The following LONRF1 variants were observed in gnomAD, a reference collection of about 807,000 sequenced individuals.
LONRF1 encodes the protein LON peptidase N-terminal domain and ring finger 1, also known as LON peptidase N-terminal domain and RING finger protein 1.
In LONRF1, 37 loss-of-function variants were observed where a neutral mutation model predicts 85.8. That is an observed-to-expected ratio of 0.43 (90% CI 0.33 to 0.57). The LOEUF is 0.57. LONRF1 is among the 20% of genes least tolerant of loss of function. The probability of loss-of-function intolerance (pLI) is 0.04; values close to 1 mark genes in which losing one functional copy is unlikely to be tolerated. For missense variants in LONRF1, 1,036 were observed against 978.0 expected (o/e 1.06, Z -0.79); for synonymous variants, 517 against 390.1 (o/e 1.33, Z -3.83).
chr8:12,736,666 A>G (rs1465792975), intron 6 of LONRF1, 35 bp downstream of exon 6: 1 of 1,395,202 alleles, frequency 7.2e-7, no homozygotes, highest in Admixed American at 2.0e-5. Flanking sequence ...TACTAACATA[A>G]AATATTCATC....
chr8:12,748,778 G>T (rs190404534), intron 1 of LONRF1, among the ~76,000 whole-genome samples: 214 of 148,088 alleles, frequency 1.4e-3, no homozygotes, highest in Non-Finnish European at 2.3e-3. Flanking sequence ...TCAAGCTATC[G>T]AAATTTTCAA....
chr8:12,728,351 G>A (rs1012167692), intron 10 of LONRF1, among the ~76,000 whole-genome samples: 2 of 152,142 alleles, frequency 1.3e-5, no homozygotes, highest in African/African-American at 4.8e-5. Context: ...TGCTTTCTAT[G>A]TCTGCCCCAG....
At chr8:12,753,845 T>C (rs772340297) in intron 1 of LONRF1, 2 of 152,186 alleles carry the variant, frequency 1.3e-5, no homozygotes, top group Non-Finnish European at 2.9e-5. Flanking sequence ...CACAGCCTGA[T>C]CCTAAGTGGA....
Position 12,722,779 on chromosome 8 carries a change from C to G in LONRF1, c.*317G>C. The G allele has an allele frequency of 5.6e-6, 1 of 177,772 alleles. No individual in the cohort carries two copies. The highest frequency in any genetic ancestry group is 1.5e-4 in the East Asian group (1 of 6,874). 11.0% of individuals were successfully genotyped at this position (177,772 alleles called of 1,614,324 possible). A position where few individuals can be genotyped will look rare whatever the true frequency, so the allele number is the denominator to read the frequency against. ...ACTACCCAACCCCCACAAGCACACA[C>G]GCACGCACACACACACACACACTCT... On this transcript the variant is annotated 3_prime_UTR_variant, in exon 12 of 12. Transcript: ENST00000398246.
intron 8 of LONRF1, 77 bp downstream of exon 8, chr8:12,731,659 G>A (rs1798533643): frequency 8.1e-7 from 1 of 1,234,456 alleles, no homozygotes; most frequent in Non-Finnish European, 1.1e-6. Context: ...CTAAAGACAG[G>A]ATCCAGCTTG....
chr8:12,737,330 C>A (rs1480271372), intron 4 of LONRF1, 190 bp from the exon 5 acceptor site: 2 of 738,256 alleles, frequency 2.7e-6, no homozygotes, highest in East Asian at 2.7e-5. Context: ...CCCTCCGTAT[C>A]CACAGGCTCT....
chr8:12,750,310 T>A (rs891565631), intron 1 of LONRF1, among the ~76,000 whole-genome samples: 1 of 152,218 alleles, frequency 6.6e-6, no homozygotes, highest in African/African-American at 2.4e-5. Flanking sequence ...CATAAATAAG[T>A]TAGCAAGAGC....
chr8:12,723,854 G>T (rs1806035495), intron 11 of LONRF1, among the ~76,000 whole-genome samples: 2 of 152,150 alleles, frequency 1.3e-5, no homozygotes, highest in African/African-American at 4.8e-5. Flanking sequence ...AAAGGCCCCA[G>T]CTTCCAATGT....
chr8:12,735,472 C>G (rs1050659933), intron 6 of LONRF1, 72 bp from the exon 7 acceptor site: 26 of 924,138 alleles, frequency 2.8e-5, no homozygotes, highest in Admixed American at 1.8e-4. Flanking sequence ...TACTTTAGAA[C>G]CATAACACTA....
intron 1 of LONRF1, among the ~76,000 whole-genome samples, chr8:12,751,081 G>A (rs1352419438): frequency 6.6e-6 from 1 of 152,072 alleles, no homozygotes; most frequent in Non-Finnish European, 1.5e-5. Flanking sequence ...GGAGAGAGGC[G>A]AGGGCTGCGT....
intron 7 of LONRF1, among the ~76,000 whole-genome samples, chr8:12,732,221 A>G (rs967935583): frequency 1.3e-5 from 2 of 152,242 alleles, no homozygotes; most frequent in East Asian, 1.9e-4. Context: ...CTGAGATACA[A>G]AAACGGGATA....
intron 3 of LONRF1, 66 bp from the exon 4 acceptor site, chr8:12,738,210 A>G: frequency 9.3e-7 from 1 of 1,075,354 alleles, no homozygotes; most frequent in Non-Finnish European, 1.3e-6. Flanking sequence ...TTTTGTATAA[A>G]TTTACCTAAT....
At chr8:12,754,212 G>A (rs1799532080) in intron 1 of LONRF1, 1 of 152,882 alleles carries the variant, frequency 6.5e-6, no homozygotes. Flanking sequence ...GGTGAGGAAG[G>A]GAGACGCCGC....
chr8:12,753,702 G>C (rs1799505156), intron 1 of LONRF1: 1 of 152,156 alleles, frequency 6.6e-6, no homozygotes, highest in African/African-American at 2.4e-5. Context: ...TTCCTTTTAC[G>C]TAAGAGAAGC....
intron 7 of LONRF1, among the ~76,000 whole-genome samples, chr8:12,733,859 T>G (rs1317287736): frequency 6.6e-6 from 1 of 152,208 alleles, no homozygotes; most frequent in African/African-American, 2.4e-5. Flanking sequence ...TATATGTATT[T>G]TGAATTTACA....
At position 12,754,871 on chromosome 8, in the gene LONRF1, C is replaced by T; in HGVS notation, c.550G>A (p.Ala184Thr). Residue 184 changes from alanine to threonine, a missense_variant, in exon 1 of 12, where the codon GCC (alanine) becomes ACC (threonine). Coordinates refer to ENST00000398246, the MANE Select transcript of LONRF1 (RefSeq NM_152271.5). ...CTGAAGTCTGAAGCGGCGATGGCGG[C>T]GGCCAGAGGCGGCGGCCGCGGGGCG... Reference protein sequence around the residue: ...GTAPRPPPLAAAIAASDFRTS... With the variant: ...GTAPRPPPLATAIAASDFRTS... 6.7e-7 allele frequency: 1 copy of T among 1,492,586 alleles called. No homozygotes were observed. Among genetic ancestry groups the T allele is most frequent in the Non-Finnish European group, 8.9e-7 (1 of 1,126,146 alleles). The allele number at this position is 1,492,586 out of a possible 1,614,324, so 92.5% of individuals were successfully genotyped here.
chr8:12,754,654 A>G, intron 1 of LONRF1, 46 bp downstream of exon 1: 1 of 1,289,754 alleles, frequency 7.8e-7, no homozygotes, highest in Non-Finnish European at 9.7e-7. Flanking sequence ...CCTCGGGGCC[A>G]GGAGGGTGCG....
intron 1 of LONRF1, among the ~76,000 whole-genome samples, chr8:12,751,224 A>T (rs142112364): frequency 1.3e-5 from 2 of 152,190 alleles, no homozygotes; most frequent in African/African-American, 2.4e-5. Flanking sequence ...TTCTCTGTGA[A>T]GATCAAATGA....
At chr8:12,748,226 C>G (rs1318028030) in intron 1 of LONRF1, among the ~76,000 whole-genome samples, 2 of 152,098 alleles carry the variant, frequency 1.3e-5, no homozygotes, top group Non-Finnish European at 2.9e-5. Flanking sequence ...GAGAAAAGAT[C>G]TAAGATCTCA....
Sources: gnomAD v4.1 joint callset for allele counts (sites outside exome capture counted in the v4.1 genomes callset) on GRCh38, gnomAD v4.1.1 for gene constraint, MANE v1.5 for transcripts, NCBI Gene and HGNC (gene_info 2026-07-23, HGNC 2026-07-21) for gene names.